The following GPM6A variants were observed in gnomAD, a reference collection of about 807,000 sequenced individuals.
GPM6A encodes glycoprotein M6A.
A neutral mutation model predicts 32.1 loss-of-function variants in GPM6A; 7 were observed. That is an observed-to-expected ratio of 0.22 (90% CI 0.12 to 0.41). GPM6A has a LOEUF of 0.41. GPM6A is among the 10% of genes least tolerant of loss of function. GPM6A has a pLI of 1.00. For synonymous variants in GPM6A, 130 were observed against 123.4 expected, an observed-to-expected ratio of 1.05 and a Z score of -0.35; for missense variants, 235 against 347.2, an observed-to-expected ratio of 0.68 and a Z score of 2.57.
At chr4:175,635,125 G>A (rs375444782) in intron 6 of GPM6A, 68 bp from the exon 7 acceptor site, 50 of 1,198,690 alleles carry the variant, frequency 4.2e-5, no homozygotes, top group South Asian at 6.5e-5. Context: ...TTGCTATCTC[G>A]AAAGAAGTCT....
intron 1 of GPM6A, among the ~76,000 whole-genome samples, chr4:175,932,098 G>GAA (rs545004795): frequency 9.2e-6 from 1 of 108,396 alleles, no homozygotes; most frequent in African/African-American, 3.3e-5. Flanking sequence ...TTGCCTCTAG[G>GAA]AAAAAAAAAA....
At chr4:175,789,701 G>GA (rs1250261138) in intron 1 of GPM6A, among the ~76,000 whole-genome samples, 1 of 152,050 alleles carries the variant, frequency 6.6e-6, no homozygotes, top group East Asian at 1.9e-4. Context: ...AAATATAGAA[G>GA]AAAAAAGATA....
chr4:175,685,248 G>A (rs893841215), intron 2 of GPM6A, among the ~76,000 whole-genome samples: 4 of 152,262 alleles, frequency 2.6e-5, no homozygotes, highest in Admixed American at 6.5e-5. Flanking sequence ...CTATTAAAAT[G>A]TCCATTGACG....
intron 2 of GPM6A, among the ~76,000 whole-genome samples, chr4:175,693,061 T>G (rs1261944884): frequency 6.6e-6 from 1 of 152,028 alleles, no homozygotes; most frequent in Non-Finnish European, 1.5e-5. Context: ...ATTCTTTATT[T>G]GTATCTGATT....
At chr4:175,933,893 T>A (rs1036247839) in intron 1 of GPM6A, among the ~76,000 whole-genome samples, 4 of 152,200 alleles carry the variant, frequency 2.6e-5, no homozygotes, top group Non-Finnish European at 5.9e-5. Context: ...CAAATGTCCA[T>A]TAACAGATGA....
At chr4:175,680,423 C>T (rs1743619413) in intron 2 of GPM6A, among the ~76,000 whole-genome samples, 2 of 152,156 alleles carry the variant, frequency 1.3e-5, no homozygotes, top group African/African-American at 4.8e-5. Context: ...TCATATCTAT[C>T]TAGAAAGAGT....
chr4:175,874,374 A>C (rs73871239), intron 1 of GPM6A, among the ~76,000 whole-genome samples: 3,601 of 152,260 alleles, frequency 0.024, 132 homozygotes, highest in African/African-American at 0.081. Context: ...ATTTTTCAAG[A>C]AAAGACCTAC....
intron 1 of GPM6A, among the ~76,000 whole-genome samples, chr4:175,852,812 T>A (rs927621182): frequency 6.6e-6 from 1 of 152,170 alleles, no homozygotes; most frequent in Non-Finnish European, 1.5e-5. Flanking sequence ...GAAACTTCAA[T>A]GAAAATGTCA....
intron 1 of GPM6A, among the ~76,000 whole-genome samples, chr4:175,734,562 C>CT (rs11333952): frequency 4.7e-5 from 7 of 148,030 alleles, no homozygotes; most frequent in South Asian, 2.2e-4. Context: ...CAGTCCTTTA[C>CT]TTTTTAAAAA....
intron 1 of GPM6A, among the ~76,000 whole-genome samples, chr4:175,939,859 A>C (rs1347759919): frequency 6.6e-6 from 1 of 152,110 alleles, no homozygotes; most frequent in African/African-American, 2.4e-5. Flanking sequence ...ATAAGCAAAA[A>C]AAAAAACCTG....
chr4:175,692,956 C>T (rs989064137), intron 2 of GPM6A, among the ~76,000 whole-genome samples: 1 of 151,948 alleles, frequency 6.6e-6, no homozygotes, highest in African/African-American at 2.4e-5. Flanking sequence ...CTGCAAAATA[C>T]CATATAGTAT....
intron 1 of GPM6A, among the ~76,000 whole-genome samples, chr4:175,910,558 A>G (rs548433507): frequency 1.3e-5 from 2 of 152,286 alleles, no homozygotes; most frequent in Non-Finnish European, 2.9e-5. Context: ...TAACCACAGG[A>G]CATGGAATAT....
intron 1 of GPM6A, among the ~76,000 whole-genome samples, chr4:175,761,165 G>C (rs935726396): frequency 6.6e-6 from 1 of 152,136 alleles, no homozygotes; most frequent in Non-Finnish European, 1.5e-5. Context: ...TTGTTTTCAA[G>C]ATGGATCTTG....
At chr4:175,947,817 C>CT (rs1337095772) in intron 1 of GPM6A, 3 of 152,150 alleles carry the variant, frequency 2.0e-5, no homozygotes, top group African/African-American at 7.2e-5. Flanking sequence ...CTCCTCACTA[C>CT]TTTTTTCAAA....
At chr4:175,734,910 CT>C (rs1327842450) in intron 1 of GPM6A, among the ~76,000 whole-genome samples, 1 of 152,032 alleles carries the variant, frequency 6.6e-6, no homozygotes, top group African/African-American at 2.4e-5. Context: ...TATTTGAGCC[CT>C]TTTATACCCT....
intron 3 of GPM6A, among the ~76,000 whole-genome samples, chr4:175,663,920 C>T (rs1742584482): frequency 6.6e-6 from 1 of 152,024 alleles, no homozygotes; most frequent in African/African-American, 2.4e-5. Flanking sequence ...TCTCTATCTC[C>T]TGAGCTTGTG....
intron 1 of GPM6A, among the ~76,000 whole-genome samples, chr4:175,764,195 C>T (rs1732867565): frequency 6.6e-6 from 1 of 152,184 alleles, no homozygotes; most frequent in South Asian, 2.1e-4. Context: ...AGAGCACCTA[C>T]CAGTGACTCA....
chr4:175,657,910 C>T lies in GPM6A; in HGVS notation c.388-5923G>A, dbSNP rs181591873. On this transcript the variant is annotated intron_variant, in intron 3 of 6. Transcript: ENST00000393658. ...AAATGAACACCTGAACATACTATCACTACAACTGCAAAGGGAAAAAACATT... is the reference window on the plus strand; with the variant it reads ...AAATGAACACCTGAACATACTATCATTACAACTGCAAAGGGAAAAAACATT... Among the ~76,000 whole-genome samples, 741 of 152,228 alleles carry T rather than the reference C, an allele frequency of 4.9e-3. 9 individuals are homozygous for T. Among genetic ancestry groups the T allele is most frequent in the Non-Finnish European group, 4.4e-3 (299 of 68,024 alleles).
Position 175,977,753 on chromosome 4 carries a change from T to C in GPM6A, c.-23+24556A>G, listed in dbSNP as rs534692033. ...GAAAAGTGTATAAAACTATATTCAA[T>C]GTCTACGTGATGCAGTAACATTATG... On this transcript the variant is annotated intron_variant, in intron 1 of 7. Coordinates refer to the GPM6A transcript ENST00000280187. Among the ~76,000 whole-genome samples the C allele has an allele frequency of 3.3e-5, 5 of 152,336 alleles. No individual in the cohort carries two copies. In the East Asian group the frequency reaches 9.6e-4, roughly 29 times the overall value.
Sources: allele counts gnomAD v4.1 joint callset (sites outside exome capture counted in the v4.1 genomes callset), GRCh38; gene constraint gnomAD v4.1.1; transcripts MANE v1.5; gene names NCBI Gene and HGNC (gene_info 2026-07-23, HGNC 2026-07-21).